The following PCDH9 variants were observed in gnomAD, a reference collection of about 807,000 sequenced individuals.
PCDH9 encodes the protein protocadherin-9.
A neutral mutation model predicts 70.6 loss-of-function variants in PCDH9; 24 were observed. That is an observed-to-expected ratio of 0.34 (90% CI 0.25 to 0.48). The LOEUF (loss-of-function observed/expected upper bound fraction) is 0.48, where lower values mean the gene tolerates loss of function less well. Ranked by LOEUF, PCDH9 falls within the 20% of genes least tolerant of loss-of-function variation. The pLI, the probability that PCDH9 is intolerant of heterozygous loss-of-function variation, is 0.99. For missense variants in PCDH9, 1,281 were observed against 1,503.6 expected, an observed-to-expected ratio of 0.85 and a Z score of 2.45; for synonymous variants, 562 against 558.5, an observed-to-expected ratio of 1.01 and a Z score of -0.09.
intron 3 of PCDH9, among the ~76,000 whole-genome samples, chr13:66,789,478 C>T (rs906294358): frequency 6.6e-6 from 1 of 152,090 alleles, no homozygotes; most frequent in Non-Finnish European, 1.5e-5. Flanking sequence ...TACAATATGG[C>T]ACAAATCTAT....
intron 3 of PCDH9, among the ~76,000 whole-genome samples, chr13:66,678,075 C>A (rs1193776481): frequency 6.6e-6 from 1 of 151,966 alleles, no homozygotes; most frequent in African/African-American, 2.4e-5. Flanking sequence ...AGAGACATTG[C>A]AATATTATTG....
At chr13:66,543,987 T>G (rs55774405) in intron 4 of PCDH9, among the ~76,000 whole-genome samples, 39,332 of 152,024 alleles carry the variant, frequency 0.26, 5,322 homozygotes, top group South Asian at 0.34. Flanking sequence ...TACTGCCCAG[T>G]GGTTGAATAC....
At chr13:66,579,453 T>C in intron 4 of PCDH9, among the ~76,000 whole-genome samples, 1 of 151,918 alleles carries the variant, frequency 6.6e-6, no homozygotes, top group East Asian at 1.9e-4. Context: ...GTCAAAAACA[T>C]GAATAGGAAA....
chr13:66,883,087 G>A (rs892761635), intron 3 of PCDH9, among the ~76,000 whole-genome samples: 1 of 151,924 alleles, frequency 6.6e-6, no homozygotes, highest in South Asian at 2.1e-4. Flanking sequence ...AGTCAAACCA[G>A]GGTTCTTCAC....
chr13:67,176,235 A>G (rs1196971047), intron 2 of PCDH9, among the ~76,000 whole-genome samples: 2 of 152,192 alleles, frequency 1.3e-5, no homozygotes, highest in East Asian at 3.9e-4. Flanking sequence ...AAGAGCGGTG[A>G]TGCAGAGAAA....
chr13:66,921,718 G>C (rs188739214), intron 2 of PCDH9, among the ~76,000 whole-genome samples: 2 of 151,316 alleles, frequency 1.3e-5, no homozygotes, highest in Non-Finnish European at 3.0e-5. Flanking sequence ...GGAGGACCAC[G>C]TATACAAAAA....
At chr13:66,593,689 A>C (rs1018764099) in intron 4 of PCDH9, among the ~76,000 whole-genome samples, 1 of 151,718 alleles carries the variant, frequency 6.6e-6, no homozygotes, top group Non-Finnish European at 1.5e-5. Context: ...TGTGGAAAAC[A>C]TTCTTTTTGA....
intron 4 of PCDH9, among the ~76,000 whole-genome samples, chr13:66,451,281 G>C (rs1011795585): frequency 5.9e-5 from 9 of 152,120 alleles, no homozygotes; most frequent in African/African-American, 2.2e-4. Flanking sequence ...ATCTAATTTA[G>C]ATGACTGTCT....
intron 4 of PCDH9, among the ~76,000 whole-genome samples, chr13:66,309,645 T>C (rs181574083): frequency 0.03 from 4,512 of 151,978 alleles, 136 homozygotes; most frequent in Admixed American, 0.084. Context: ...TCCTTTTTCT[T>C]TGATATATTT....
intron 2 of PCDH9, among the ~76,000 whole-genome samples, chr13:67,060,373 G>A (rs747621181): frequency 5.9e-5 from 9 of 151,950 alleles, no homozygotes; most frequent in Non-Finnish European, 8.8e-5. Flanking sequence ...GGAAGTGGAG[G>A]GCTAAGCTTC....
At chr13:66,978,490 T>C (rs189802689) in intron 2 of PCDH9, 3 of 152,046 alleles carry the variant, frequency 2.0e-5, no homozygotes, top group Admixed American at 2.0e-4. Context: ...TGTGCAGATA[T>C]ATGTGATTAA....
intron 4 of PCDH9, among the ~76,000 whole-genome samples, chr13:66,523,602 C>T (rs1960091087): frequency 6.6e-6 from 1 of 151,752 alleles, no homozygotes; most frequent in Non-Finnish European, 1.5e-5. Context: ...ACAGATACTA[C>T]TATGTGCACA....
intron 3 of PCDH9, among the ~76,000 whole-genome samples, chr13:66,644,733 T>C (rs2077750101): frequency 6.6e-6 from 1 of 152,070 alleles, no homozygotes; most frequent in Non-Finnish European, 1.5e-5. Flanking sequence ...AAATTTGTAA[T>C]TGTGGTCCTC....
Position 66,328,815 on chromosome 13 carries a change from A to G in PCDH9, c.3341-23787T>C, listed in dbSNP as rs76465577. Among the ~76,000 whole-genome samples the G allele has an allele frequency of 2.4e-3, 367 of 152,304 alleles. 11 individuals are homozygous for G. The East Asian group carries it at 0.057, about 23-fold the overall frequency. ...AGACAAAGATATTGAATTGAGCTTC[A>G]AAGAAATATCAAAGCATATTTTCTT... On this transcript the variant is annotated intron_variant, in intron 4 of 4. Coordinates refer to ENST00000377865, the MANE Select transcript of PCDH9 (RefSeq NM_203487.3).
chr13:66,318,582 C>A (rs115903063), intron 4 of PCDH9, among the ~76,000 whole-genome samples: 9 of 152,142 alleles, frequency 5.9e-5, no homozygotes, highest in African/African-American at 2.2e-4. Context: ...TTTAGGAAAG[C>A]CTGTATTACC....
intron 2 of PCDH9, among the ~76,000 whole-genome samples, chr13:67,105,672 T>A (rs1342181529): frequency 6.6e-6 from 1 of 152,070 alleles, no homozygotes; most frequent in Non-Finnish European, 1.5e-5. Context: ...TTTTTAAAAG[T>A]AAGCTGCTTT....
At position 67,089,145 on chromosome 13, in the gene PCDH9, A is replaced by G. The variant is rs186136901; in HGVS notation, c.3036+136260T>C. Among the ~76,000 whole-genome samples the G allele has an allele frequency of 7.5e-4, 114 of 152,168 alleles. 1 individual carries two copies. Among genetic ancestry groups the G allele is most frequent in the Non-Finnish European group, 1.2e-3 (81 of 67,926 alleles). On this transcript the variant is annotated intron_variant, in intron 2 of 4. Transcript: ENST00000377865. ...ATGCCTGCATCACTTTCTAAATCCAATTCCACACTGAGAGGCAGAATATCA... is the reference window on the plus strand; with the variant it reads ...ATGCCTGCATCACTTTCTAAATCCAGTTCCACACTGAGAGGCAGAATATCA...
intron 2 of PCDH9, among the ~76,000 whole-genome samples, chr13:67,177,189 A>T (rs551519382): frequency 5.4e-4 from 82 of 152,268 alleles, no homozygotes; most frequent in Admixed American, 2.8e-3. Flanking sequence ...GATTCACTTT[A>T]TTAAAAATTA....
intron 3 of PCDH9, among the ~76,000 whole-genome samples, chr13:66,676,589 T>C (rs144813761): frequency 9.9e-5 from 15 of 152,234 alleles, no homozygotes; most frequent in Admixed American, 2.0e-4. Flanking sequence ...AAGCTGGAAT[T>C]TTCACCTACG....
Sources: allele counts gnomAD v4.1 joint callset (sites outside exome capture counted in the v4.1 genomes callset), GRCh38; gene constraint gnomAD v4.1.1; transcripts MANE v1.5; gene names NCBI Gene and HGNC (gene_info 2026-07-23, HGNC 2026-07-21).